ASH2L: variants seen among roughly 807,000 people sequenced by gnomAD.
ASH2L encodes the protein set1/Ash2 histone methyltransferase complex subunit ASH2.
A neutral mutation model predicts 81.1 loss-of-function variants in ASH2L; 30 were observed. The ratio of observed to expected loss-of-function variants is 0.37; its 90% CI spans 0.28 to 0.50. The LOEUF (loss-of-function observed/expected upper bound fraction) is 0.50, where lower values mean the gene tolerates loss of function less well. Among genes scored for constraint, ASH2L ranks in the 20% least tolerant of loss-of-function variants. The pLI is 0.95. For missense variants in ASH2L, 559 were observed against 792.1 expected, an observed-to-expected ratio of 0.71 and a Z score of 3.53; for synonymous variants, 273 against 279.9, an observed-to-expected ratio of 0.98 and a Z score of 0.24.
At chr8:38,121,740 A>G (rs1459193753) in intron 10 of ASH2L, among the ~76,000 whole-genome samples, 1 of 152,176 alleles carries the variant, frequency 6.6e-6, no homozygotes, top group Non-Finnish European at 1.5e-5. Context: ...ATTAGACTGA[A>G]GTTAGGCAGT....
At chr8:38,111,841 T>A (rs1223740027) in intron 5 of ASH2L, among the ~76,000 whole-genome samples, 2 of 152,166 alleles carry the variant, frequency 1.3e-5, no homozygotes, top group Admixed American at 6.5e-5. Context: ...AATAAAAAAA[T>A]TTAACATTGG....
intron 3 of ASH2L, among the ~76,000 whole-genome samples, chr8:38,109,382 T>G (rs1170438829): frequency 6.6e-6 from 1 of 151,670 alleles, no homozygotes; most frequent in Non-Finnish European, 1.5e-5. Context: ...GTAAATGCAG[T>G]CTTCTCTGAG....
intron 13 of ASH2L, among the ~76,000 whole-genome samples, chr8:38,134,257 C>T (rs1157804088): frequency 6.6e-6 from 1 of 152,050 alleles, no homozygotes; most frequent in South Asian, 2.1e-4. Flanking sequence ...GACCTTCCCT[C>T]CACTGTTGTC....
intron 10 of ASH2L, chr8:38,123,443 T>C (rs777878206): frequency 6.6e-6 from 1 of 152,236 alleles, no homozygotes; most frequent in Non-Finnish European, 1.5e-5. Flanking sequence ...AGCATTTATA[T>C]ATAGCTCTTT....
At chr8:38,108,830 A>C (rs1247404727) in intron 3 of ASH2L, among the ~76,000 whole-genome samples, 1 of 152,196 alleles carries the variant, frequency 6.6e-6, no homozygotes, top group Non-Finnish European at 1.5e-5. Flanking sequence ...CTGTAATCCC[A>C]GCACTTTAGG....
rs1563263035 is a variant in ASH2L, at chr8:38,135,771, G to GT, written c.1719+6dup. The GT allele has an allele frequency of 6.3e-7, 1 of 1,588,308 alleles. No homozygotes were observed. The highest frequency in any genetic ancestry group is 1.2e-5 in the South Asian group (1 of 86,512). On this transcript the variant is annotated splice_donor_region_variant and intron_variant, in intron 14 of 15. Coordinates refer to ENST00000343823, the MANE Select transcript of ASH2L (RefSeq NM_004674.5). ...TCACTGTACAAGAGCTGCACGGTAC[G>GT]TACATGTTTCCATCCCATGAGCAAA...
chr8:38,111,867 T>A lies in ASH2L; in HGVS notation c.585+1034T>A, dbSNP rs141138043. The stretch of plus-strand genomic sequence containing the variant: ...TTAACATTGGTGCAGTACTACTAAT[T>A]TACAGTTCATATTTGTAGTTTCTCA... On this transcript the variant is annotated intron_variant, in intron 5 of 15. Coordinates refer to ENST00000343823, the MANE Select transcript of ASH2L (RefSeq NM_004674.5). Among the ~76,000 whole-genome samples the A allele has an allele frequency of 1.1e-3, 167 of 152,298 alleles. 1 individual carries two copies. The highest frequency in any genetic ancestry group is 3.4e-3 in the Middle Eastern group (1 of 294).
At chr8:38,114,772 T>C (rs1810825207) in intron 6 of ASH2L, 133 bp from the exon 7 acceptor site, 1 of 622,074 alleles carries the variant, frequency 1.6e-6, no homozygotes, top group South Asian at 2.3e-5. Flanking sequence ...GATTATTTCT[T>C]AGAAGGAAAA....
chr8:38,108,539 G>A (rs1585563762), intron 3 of ASH2L, among the ~76,000 whole-genome samples: 1 of 152,006 alleles, frequency 6.6e-6, no homozygotes, highest in Non-Finnish European at 1.5e-5. Flanking sequence ...AAGGTGGGGG[G>A]CCAGGCGCAG....
chr8:38,118,390 A>T (rs532553217), intron 8 of ASH2L, among the ~76,000 whole-genome samples: 1 of 152,372 alleles, frequency 6.6e-6, no homozygotes, highest in Admixed American at 6.5e-5. Context: ...AATTGAGAGG[A>T]ATTTGAACTG....
chr8:38,133,621 A>C, intron 13 of ASH2L, 75 bp downstream of exon 13: 1 of 1,181,152 alleles, frequency 8.5e-7, no homozygotes, highest in South Asian at 1.4e-5. Context: ...TATAAAAGTG[A>C]GGAACACGAG....
At chr8:38,134,700 C>T (rs1399952142) in intron 13 of ASH2L, among the ~76,000 whole-genome samples, 11 of 151,854 alleles carry the variant, frequency 7.2e-5, no homozygotes, top group Admixed American at 7.2e-4. Flanking sequence ...CCACCCAGGA[C>T]ACTAATAGAA....
chr8:38,130,562 G>A (rs1000290910), intron 12 of ASH2L, among the ~76,000 whole-genome samples: 6 of 151,478 alleles, frequency 4.0e-5, no homozygotes, highest in African/African-American at 1.5e-4. Flanking sequence ...ACATCATGGT[G>A]TTAGCTTTTA....
chr8:38,136,461 G>A (rs1802260763), intron 14 of ASH2L, among the ~76,000 whole-genome samples: 1 of 151,398 alleles, frequency 6.6e-6, no homozygotes. Flanking sequence ...TAGGTAGATA[G>A]GTAGATAGAT....
chr8:38,105,555 C>T lies in ASH2L; in HGVS notation c.5C>T (p.Ala2Val). ...AGAAGTCCAGGGGTGGCCGTGATGG[C>T]GGCGGCAGGAGCAGGACCTGGCCAG... Reference protein sequence around the residue: MAAAGAGPGQEA... With the variant: MVAAGAGPGQEA... The change falls in exon 1 of 16, where the codon GCG becomes GTG. Residue 2 changes from alanine (A) to valine (V), a missense_variant. This residue lies in a region of ASH2L where 145 missense variants were observed against 115.5 expected (regional missense o/e 1.26). Transcript: ENST00000343823. 1.3e-6 allele frequency: 2 copies of T among 1,565,060 alleles called. No individual in the cohort carries two copies. Among genetic ancestry groups the T allele is most frequent in the Non-Finnish European group, 1.7e-6 (2 of 1,153,970 alleles).
intron 7 of ASH2L, 107 bp from the exon 8 acceptor site, chr8:38,116,543 G>T: frequency 1.1e-6 from 1 of 888,656 alleles, no homozygotes; most frequent in Non-Finnish European, 1.8e-6. Flanking sequence ...AGAAAAAAAA[G>T]AATTGTCAAT....
At chr8:38,130,170 G>A (rs1169806736) in intron 12 of ASH2L, among the ~76,000 whole-genome samples, 1 of 138,788 alleles carries the variant, frequency 7.2e-6, no homozygotes, top group Non-Finnish European at 1.6e-5. Flanking sequence ...TGTTTTTTGT[G>A]AAGTTTCTCT....
chr8:38,105,515 G>T, upstream of ASH2L: 4 of 1,512,308 alleles, frequency 2.6e-6, no homozygotes, highest in Non-Finnish European at 3.5e-6. Context: ...CGCGAGAGAA[G>T]AGAGTATTCT....
chr8:38,134,597 C>T (rs183895063), intron 13 of ASH2L, among the ~76,000 whole-genome samples: 19 of 152,020 alleles, frequency 1.2e-4, no homozygotes, highest in Admixed American at 1.0e-3. Flanking sequence ...TCTGGGCCAG[C>T]CACAAGCACC....
Sources: gnomAD v4.1 joint callset for allele counts (sites outside exome capture counted in the v4.1 genomes callset) on GRCh38, gnomAD v4.1.1 for gene constraint, gnomAD v4.1.1 regional missense constraint, MANE v1.5 for transcripts, NCBI Gene and HGNC (gene_info 2026-07-23, HGNC 2026-07-21) for gene names.